PKIG: variants seen among roughly 807,000 people sequenced by gnomAD.
The protein encoded by PKIG is cAMP-dependent protein kinase inhibitor gamma.
In PKIG, 1 loss-of-function variant was observed where a neutral mutation model predicts 6.8. The ratio of observed to expected loss-of-function variants is 0.15; its 90% CI spans 0.05 to 0.69. PKIG has a LOEUF of 0.69. PKIG is among the 30% of genes least tolerant of loss of function. PKIG has a pLI of 0.82. For missense variants in PKIG, 77 were observed against 104.0 expected (o/e 0.74, Z 1.13); for synonymous variants, 39 against 43.0 (o/e 0.91, Z 0.36).
intron 1 of PKIG, among the ~76,000 whole-genome samples, chr20:44,588,864 G>T (rs749088593): frequency 2.0e-5 from 3 of 152,180 alleles, no homozygotes; most frequent in Non-Finnish European, 4.4e-5. Context: ...CACTTGATAT[G>T]TTAGCTAGAT....
intron 1 of PKIG, among the ~76,000 whole-genome samples, chr20:44,557,442 C>T (rs531664491): frequency 1.4e-5 from 2 of 146,556 alleles, no homozygotes; most frequent in Non-Finnish European, 3.0e-5. Flanking sequence ...AGGGGAATTG[C>T]GTGAACCTGG....
rs2064900057 is a variant in PKIG at position 44,576,571 on chromosome 20, T to G, written c.-240-6014T>G. Among the ~76,000 whole-genome samples the G allele has an allele frequency of 6.6e-5, 10 of 152,256 alleles. No individual in the cohort carries two copies. The South Asian group carries it at 2.1e-3, about 32-fold the overall frequency. ...TCTGAGACCAATAGAGAGTAGCAAG[T>G]GAGAGCCTCAAACCTTCTCCTGTTG... On this transcript the variant is annotated intron_variant, in intron 1 of 4. Coordinates refer to the PKIG transcript ENST00000372887.
intron 2 of PKIG, chr20:44,598,910 C>A (rs1177033972): frequency 1.3e-5 from 2 of 152,150 alleles, no homozygotes; most frequent in South Asian, 4.1e-4. Flanking sequence ...TTAAAAAATT[C>A]ATACCCCAAA....
At chr20:44,553,739 G>C (rs899470761) in intron 1 of PKIG, among the ~76,000 whole-genome samples, 2 of 152,166 alleles carry the variant, frequency 1.3e-5, no homozygotes, top group Non-Finnish European at 2.9e-5. Context: ...AGGGAACAGA[G>C]AGATGCCTTG....
chr20:44,540,892 T>G (rs1039774101), intron 1 of PKIG, among the ~76,000 whole-genome samples: 1 of 152,222 alleles, frequency 6.6e-6, no homozygotes, highest in Admixed American at 6.5e-5. Context: ...GTACTGATGT[T>G]TTTGATTCTC....
intron 1 of PKIG, among the ~76,000 whole-genome samples, chr20:44,563,874 A>G (rs1230505757): frequency 1.3e-5 from 2 of 152,210 alleles, no homozygotes; most frequent in African/African-American, 4.8e-5. Flanking sequence ...GGTTAAGGAA[A>G]TAAGCTATTT....
intron 2 of PKIG, among the ~76,000 whole-genome samples, chr20:44,599,702 C>T (rs1000520259): frequency 1.3e-5 from 2 of 152,108 alleles, no homozygotes; most frequent in African/African-American, 4.8e-5. Context: ...AGCCTAGTCA[C>T]AGAGCGAGAT....
chr20:44,580,364 T>TA (rs1436611814), upstream of PKIG, among the ~76,000 whole-genome samples: 2 of 151,864 alleles, frequency 1.3e-5, no homozygotes, highest in Non-Finnish European at 2.9e-5. Context: ...GTTTTTTTTT[T>TA]AAAGACAGAG....
intron 2 of PKIG, among the ~76,000 whole-genome samples, chr20:44,603,522 T>A (rs2065139366): frequency 6.6e-6 from 1 of 151,542 alleles, no homozygotes; most frequent in African/African-American, 2.4e-5. Context: ...CCCTCAGAGA[T>A]TTGTAATGTC....
intron 2 of PKIG, among the ~76,000 whole-genome samples, chr20:44,593,488 A>T (rs2065051277): frequency 6.6e-6 from 1 of 152,076 alleles, no homozygotes; most frequent in Non-Finnish European, 1.5e-5. Context: ...CATTGTGCTA[A>T]GTGAAATAGG....
chr20:44,609,782 C>T (rs537064290), intron 2 of PKIG, among the ~76,000 whole-genome samples: 102 of 152,290 alleles, frequency 6.7e-4, no homozygotes, highest in African/African-American at 2.4e-3. Context: ...CGGGGTTTGT[C>T]ATTTTCCAGA....
intron 3 of PKIG, among the ~76,000 whole-genome samples, chr20:44,616,430 C>T (rs1043840304): frequency 2.6e-5 from 4 of 152,208 alleles, no homozygotes; most frequent in Non-Finnish European, 4.4e-5. Context: ...AGCTGCCACA[C>T]TGGGCACGCT....
At chr20:44,545,375 G>T (rs1226406361) in intron 1 of PKIG, among the ~76,000 whole-genome samples, 1 of 152,022 alleles carries the variant, frequency 6.6e-6, no homozygotes, top group Non-Finnish European at 1.5e-5. Context: ...GTTAACCAAT[G>T]AAATGTAAAG....
At chr20:44,610,163 C>T (rs1291033973) in intron 2 of PKIG, among the ~76,000 whole-genome samples, 4 of 152,154 alleles carry the variant, frequency 2.6e-5, no homozygotes, top group African/African-American at 4.8e-5. Flanking sequence ...AGGCAGGGTG[C>T]GCCATCTGCT....
intron 1 of PKIG, among the ~76,000 whole-genome samples, chr20:44,565,173 T>C (rs1568813361): frequency 6.6e-6 from 1 of 152,260 alleles, no homozygotes. Context: ...GGTTTTTTTC[T>C]AATGTCTACT....
At chr20:44,605,008 A>G (rs11696357) in intron 2 of PKIG, among the ~76,000 whole-genome samples, 8,434 of 147,518 alleles carry the variant, frequency 0.057, 294 homozygotes, top group Middle Eastern at 0.15. Flanking sequence ...AAACAGCCAG[A>G]AAAAAAAAAT....
upstream of PKIG, among the ~76,000 whole-genome samples, chr20:44,580,530 T>A (rs2064938957): frequency 6.6e-6 from 1 of 151,936 alleles, no homozygotes; most frequent in African/African-American, 2.4e-5. Flanking sequence ...TGTATTTTAG[T>A]AGAGATGGAG....
At chr20:44,551,700 T>C (rs2064670314) in intron 1 of PKIG, among the ~76,000 whole-genome samples, 1 of 152,208 alleles carries the variant, frequency 6.6e-6, no homozygotes, top group Admixed American at 6.5e-5. Flanking sequence ...TTGAGTGTCA[T>C]TGACTTGACT....
At chr20:44,589,732 T>C (rs1363575388) in intron 1 of PKIG, 65 bp from the exon 2 acceptor site, 3 of 152,312 alleles carry the variant, frequency 2.0e-5, no homozygotes, top group Admixed American at 2.0e-4. Context: ...TCCCAAAAGA[T>C]TGTTTCAATT....
Sources: gnomAD v4.1 joint callset for allele counts (sites outside exome capture counted in the v4.1 genomes callset) on GRCh38, gnomAD v4.1.1 for gene constraint, MANE v1.5 for transcripts, NCBI Gene and HGNC (gene_info 2026-07-23, HGNC 2026-07-21) for gene names.